The following GRM7 variants were observed in gnomAD, a reference collection of about 807,000 sequenced individuals.
The protein encoded by GRM7 is glutamate metabotropic receptor 7, also known as metabotropic glutamate receptor 7.
Under a neutral mutation model 84.5 loss-of-function variants are expected in GRM7, and 35 were observed. That is an observed-to-expected ratio of 0.41 (90% CI 0.32 to 0.55). GRM7 has a LOEUF of 0.55. GRM7 is among the 20% of genes least tolerant of loss of function. The probability of loss-of-function intolerance (pLI) is 0.19; values close to 1 mark genes in which losing one functional copy is unlikely to be tolerated. For synonymous variants in GRM7, 487 were observed against 455.1 expected, an observed-to-expected ratio of 1.07 and a Z score of -0.89; for missense variants, 1,003 against 1,194.6, an observed-to-expected ratio of 0.84 and a Z score of 2.36.
intron 5 of GRM7, among the ~76,000 whole-genome samples, chr3:7,427,196 C>A (rs976398904): frequency 2.0e-5 from 3 of 152,166 alleles, no homozygotes; most frequent in African/African-American, 4.8e-5. Context: ...TGTGAAAATC[C>A]CAAAATTCAA....
intron 7 of GRM7, among the ~76,000 whole-genome samples, chr3:7,571,982 A>C (rs1380339264): frequency 1.3e-5 from 2 of 152,138 alleles, no homozygotes; most frequent in African/African-American, 2.4e-5. Context: ...ATCAGATCTC[A>C]TGAGACTCAT....
chr3:7,216,909 A>G (rs1263290406), intron 2 of GRM7, among the ~76,000 whole-genome samples: 1 of 152,224 alleles, frequency 6.6e-6, no homozygotes, highest in Non-Finnish European at 1.5e-5. Context: ...GCAGACATCC[A>G]TCTTTAATGT....
intron 2 of GRM7, among the ~76,000 whole-genome samples, chr3:7,290,102 T>G (rs1699570437): frequency 6.6e-6 from 1 of 152,144 alleles, no homozygotes; most frequent in Non-Finnish European, 1.5e-5. Context: ...ACTAAAAGAA[T>G]GCCTGAAATA....
intron 7 of GRM7, among the ~76,000 whole-genome samples, chr3:7,521,274 A>G (rs1025636610): frequency 2.0e-5 from 3 of 152,162 alleles, no homozygotes; most frequent in African/African-American, 7.2e-5. Context: ...ATGGCCAGGT[A>G]AAACCGCAGT....
Position 6,942,938 on chromosome 3 carries a change from C to A in GRM7, c.519+81031C>A, listed in dbSNP as rs973521167. On this transcript the variant is annotated intron_variant, in intron 1 of 9. Transcript: ENST00000357716. ...TTCGAGTATGCATGGAGTGATATCT[C>A]ATTGTGATTTTGATTTGAATTTTCT... Among the ~76,000 whole-genome samples the A allele has an allele frequency of 2.0e-5, 3 of 151,980 alleles. 1 individual carries two copies. The highest frequency in any genetic ancestry group is 7.2e-5 in the African/African-American group (3 of 41,436).
At position 7,680,041 on chromosome 3, in the gene GRM7, T is replaced by C; in HGVS notation, c.2452-8T>C. The C allele has an allele frequency of 1.2e-6, 2 of 1,613,764 alleles. No individual in the cohort carries two copies. The highest frequency in any genetic ancestry group is 2.2e-5 in the East Asian group (1 of 44,866). ...TTGTAATAGTGCCTTGTGTGTTGTG[T>C]CTCCTAGCTCTACATACAAACTACC... On this transcript the variant is annotated splice_region_variant and splice_polypyrimidine_tract_variant and intron_variant, in intron 8 of 9. Transcript: ENST00000357716.
chr3:7,129,644 G>C (rs781178770), intron 1 of GRM7, among the ~76,000 whole-genome samples: 2 of 152,002 alleles, frequency 1.3e-5, no homozygotes, highest in Non-Finnish European at 2.9e-5. Flanking sequence ...CTGCTTGAGA[G>C]ATGAGTTCAT....
intron 2 of GRM7, among the ~76,000 whole-genome samples, chr3:7,208,937 T>C (rs1377977422): frequency 1.3e-5 from 2 of 152,212 alleles, no homozygotes; most frequent in African/African-American, 2.4e-5. Flanking sequence ...ATACTGTCTG[T>C]GCAGATGCTC....
At chr3:7,473,454 C>T (rs1370699441) in intron 7 of GRM7, among the ~76,000 whole-genome samples, 1 of 147,862 alleles carries the variant, frequency 6.8e-6, no homozygotes, top group African/African-American at 2.5e-5. Flanking sequence ...CCAACCTACG[C>T]AACAGAGCAA....
chr3:7,506,210 G>A (rs916837141), intron 7 of GRM7, among the ~76,000 whole-genome samples: 1 of 151,938 alleles, frequency 6.6e-6, no homozygotes, highest in Non-Finnish European at 1.5e-5. Flanking sequence ...TGGAGGAGGG[G>A]GTCTTAATTC....
chr3:7,242,148 G>A (rs1282229183), intron 2 of GRM7, among the ~76,000 whole-genome samples: 1 of 152,094 alleles, frequency 6.6e-6, no homozygotes, highest in Non-Finnish European at 1.5e-5. Flanking sequence ...TAGGCATCAG[G>A]ACAAGATTAA....
intron 9 of GRM7, among the ~76,000 whole-genome samples, chr3:7,699,405 G>GTTTTGA (rs1272708336): frequency 6.6e-6 from 1 of 152,034 alleles, no homozygotes; most frequent in Non-Finnish European, 1.5e-5. Flanking sequence ...TTCAAACCAG[G>GTTTTGA]GGATATGTAT....
intron 1 of GRM7, among the ~76,000 whole-genome samples, chr3:7,129,882 G>A (rs1693533130): frequency 6.6e-6 from 1 of 152,104 alleles, no homozygotes; most frequent in Admixed American, 6.6e-5. Context: ...TAAATAATTG[G>A]TATTGCTTAA....
chr3:7,330,694 C>T (rs1575176716), intron 4 of GRM7, among the ~76,000 whole-genome samples: 1 of 152,206 alleles, frequency 6.6e-6, no homozygotes, highest in Non-Finnish European at 1.5e-5. Flanking sequence ...TCACCTTCCA[C>T]CATGATTCTG....
chr3:7,568,143 A>G (rs1694413450), intron 7 of GRM7, among the ~76,000 whole-genome samples: 1 of 152,086 alleles, frequency 6.6e-6, no homozygotes, highest in East Asian at 1.9e-4. Flanking sequence ...ACTTCCCTTG[A>G]TGGGGCTCAG....
At chr3:7,312,626 A>G (rs1301110586) in intron 4 of GRM7, among the ~76,000 whole-genome samples, 2 of 152,162 alleles carry the variant, frequency 1.3e-5, no homozygotes, top group Non-Finnish European at 2.9e-5. Flanking sequence ...ACTTCTCCCA[A>G]TATGTTGGTT....
At chr3:7,684,426 T>C (rs913516478) in intron 9 of GRM7, among the ~76,000 whole-genome samples, 25 of 152,192 alleles carry the variant, frequency 1.6e-4, no homozygotes, top group African/African-American at 5.5e-4. Flanking sequence ...CTCTTATTCA[T>C]TGTTGCTCTA....
chr3:7,634,865 G>C (rs543281968), intron 8 of GRM7, among the ~76,000 whole-genome samples: 3 of 152,080 alleles, frequency 2.0e-5, no homozygotes, highest in Admixed American at 2.0e-4. Flanking sequence ...ACTTTGGCCA[G>C]ATTTTGAATA....
chr3:7,018,649 C>T (rs950923197), intron 1 of GRM7, among the ~76,000 whole-genome samples: 15 of 152,130 alleles, frequency 9.9e-5, no homozygotes, highest in African/African-American at 3.4e-4. Flanking sequence ...TTAACGTGCA[C>T]CTGAGGGAAG....
Sources: gnomAD v4.1 joint callset for allele counts (sites outside exome capture counted in the v4.1 genomes callset) on GRCh38, gnomAD v4.1.1 for gene constraint, MANE v1.5 for transcripts, NCBI Gene and HGNC (gene_info 2026-07-23, HGNC 2026-07-21) for gene names.